HYCC1: variants seen among roughly 807,000 people sequenced by gnomAD.
HYCC1 encodes hyccin.
At chr7:22,967,373 A>G in the HYCC1 span, among the ~76,000 whole-genome samples, 8 of 152,206 alleles carry the variant, frequency 5.3e-5, no homozygotes, top group African/African-American at 7.2e-5. Context: ...GGAAAGTTCA[A>G]AGGCAGAGGT....
At chr7:22,962,779 G>GC in the HYCC1 span, among the ~76,000 whole-genome samples, 3 of 70,590 alleles carry the variant, frequency 4.2e-5, no homozygotes, top group African/African-American at 1.7e-4. Context: ...CCCCACCACC[G>GC]CCCCAGCCAC....
chr7:23,004,653 T>C, the HYCC1 span, among the ~76,000 whole-genome samples: 1 of 152,084 alleles, frequency 6.6e-6, no homozygotes, highest in Non-Finnish European at 1.5e-5. Flanking sequence ...AAAAATCTCA[T>C]CTCCAAATAA....
the HYCC1 span, among the ~76,000 whole-genome samples, chr7:22,990,231 G>A: frequency 8.5e-5 from 13 of 152,130 alleles, no homozygotes; most frequent in African/African-American, 3.1e-4. Flanking sequence ...CCAGAATACC[G>A]TTTCATTTAA....
chr7:22,979,158 A>T, the HYCC1 span, among the ~76,000 whole-genome samples: 1 of 152,198 alleles, frequency 6.6e-6, no homozygotes, highest in African/African-American at 2.4e-5. Context: ...AAATATACTA[A>T]ACAGATTTTC....
the HYCC1 span, among the ~76,000 whole-genome samples, chr7:22,933,674 T>A: frequency 6.6e-6 from 1 of 152,254 alleles, no homozygotes; most frequent in African/African-American, 2.4e-5. Flanking sequence ...TCAATATGCA[T>A]AAATATGTAT....
the HYCC1 span, chr7:22,990,985 C>T: frequency 1.0e-4 from 103 of 998,470 alleles, 2 homozygotes; most frequent in South Asian, 1.1e-3. Flanking sequence ...ATATAAAATA[C>T]AAAAATCACT....
At chr7:22,947,954 T>C in the HYCC1 span, among the ~76,000 whole-genome samples, 1 of 152,098 alleles carries the variant, frequency 6.6e-6, no homozygotes, top group African/African-American at 2.4e-5. Flanking sequence ...ATTTAGTTCA[T>C]TACTAGACTA....
chr7:23,014,080 T>C, the HYCC1 span: 1 of 464,410 alleles, frequency 2.2e-6, no homozygotes, highest in Non-Finnish European at 4.4e-6. Context: ...CCCCCTCCTC[T>C]CACTGACTGA....
the HYCC1 span, among the ~76,000 whole-genome samples, chr7:22,992,772 A>C: frequency 6.6e-6 from 1 of 152,188 alleles, no homozygotes; most frequent in Non-Finnish European, 1.5e-5. Flanking sequence ...AAGTTATCAC[A>C]AATGGAACCA....
the HYCC1 span, among the ~76,000 whole-genome samples, chr7:22,922,973 T>C: frequency 6.6e-6 from 1 of 152,114 alleles, no homozygotes; most frequent in Non-Finnish European, 1.5e-5. Context: ...GTGAGATACT[T>C]CAATACTCCA....
At chr7:22,956,150 T>C in the HYCC1 span, among the ~76,000 whole-genome samples, 1 of 151,836 alleles carries the variant, frequency 6.6e-6, no homozygotes, top group East Asian at 1.9e-4. Context: ...TGTTTTACTT[T>C]CAAATTATGA....
At chr7:22,908,014 T>C in the HYCC1 span, among the ~76,000 whole-genome samples, 15 of 152,168 alleles carry the variant, frequency 9.9e-5, no homozygotes, top group Admixed American at 2.0e-4. Context: ...ATGAGAAATC[T>C]TCCCAGAAGG....
chr7:22,921,026 G>T, the HYCC1 span, among the ~76,000 whole-genome samples: 11 of 152,204 alleles, frequency 7.2e-5, no homozygotes, highest in Non-Finnish European at 1.5e-4. Context: ...GCTTCCTAAG[G>T]CCTCTCCAGA....
At chr7:22,945,760 G>A in the HYCC1 span, 1 of 1,613,762 alleles carries the variant, frequency 6.2e-7, no homozygotes, top group East Asian at 2.2e-5. Flanking sequence ...CAGATGACGG[G>A]TTATGTGGGA....
At chr7:22,981,589 G>A in the HYCC1 span, among the ~76,000 whole-genome samples, 1 of 152,112 alleles carries the variant, frequency 6.6e-6, no homozygotes, top group East Asian at 1.9e-4. Flanking sequence ...ATAAAAGCAC[G>A]AAACTAACAT....
At chr7:22,988,076 TTTTGCCTGATAACC>T in the HYCC1 span, among the ~76,000 whole-genome samples, 53,332 of 152,036 alleles carry the variant, frequency 0.35, 9,412 homozygotes, top group East Asian at 0.47. Flanking sequence ...ATGCTGCTGA[TTTTGCCTGATAACC>T]TTCTTCTCTT....
the HYCC1 span, among the ~76,000 whole-genome samples, chr7:23,000,443 T>C: frequency 2.0e-5 from 3 of 152,080 alleles, no homozygotes; most frequent in African/African-American, 4.8e-5. Flanking sequence ...AACATGTACA[T>C]ATGTATATAT....
At chr7:23,008,524 C>T in the HYCC1 span, among the ~76,000 whole-genome samples, 2 of 151,936 alleles carry the variant, frequency 1.3e-5, no homozygotes, top group Admixed American at 1.3e-4. Flanking sequence ...ATCCTAACTG[C>T]CTTTAATGTA....
chr7:22,920,838 T>A, the HYCC1 span, among the ~76,000 whole-genome samples: 8 of 152,324 alleles, frequency 5.3e-5, no homozygotes, highest in Non-Finnish European at 1.2e-4. Context: ...GAGTAGATCA[T>A]GAGGGTGGAT....
Sources: allele counts gnomAD v4.1 joint callset (sites outside exome capture counted in the v4.1 genomes callset), GRCh38; gene constraint gnomAD v4.1.1; transcripts MANE v1.5; gene names NCBI Gene and HGNC (gene_info 2026-07-23, HGNC 2026-07-21).